EXOC4: variants seen among roughly 807,000 people sequenced by gnomAD.
The protein encoded by EXOC4 is SEC8-like 1.
EXOC4 carries 71 observed loss-of-function variants against 107.2 expected under a neutral mutation model. The observed-to-expected ratio is 0.66, with a 90% CI of 0.55 to 0.81. The LOEUF is 0.81. EXOC4 is among the 30% of genes least tolerant of loss of function. The pLI is 0.00. For synonymous variants in EXOC4, 456 were observed against 441.2 expected, an observed-to-expected ratio of 1.03 and a Z score of -0.42; for missense variants, 1,108 against 1,189.6, an observed-to-expected ratio of 0.93 and a Z score of 1.01.
In EXOC4 at chr7:134,051,516, C is replaced by T. The variant is rs375921998; in HGVS notation, c.2688-12775C>T. ...TGAAACCCTGTCTCTACTAAAAATACAAAAAATTAGCTGGGTGTGGTGGCA... is the reference window on the plus strand; with the variant it reads ...TGAAACCCTGTCTCTACTAAAAATATAAAAAATTAGCTGGGTGTGGTGGCA... On this transcript the variant is annotated intron_variant, in intron 17 of 17. Transcript: ENST00000253861. Among the ~76,000 whole-genome samples, 3 of 151,650 alleles carry T rather than the reference C, an allele frequency of 2.0e-5. No individual in the cohort carries two copies. In the East Asian group the frequency reaches 5.8e-4, roughly 29 times the overall value.
chr7:133,440,086 A>AC (rs1798071251), intron 7 of EXOC4, among the ~76,000 whole-genome samples: 1 of 152,084 alleles, frequency 6.6e-6, no homozygotes, highest in Non-Finnish European at 1.5e-5. Flanking sequence ...ACCCTCTCCC[A>AC]CCCCCACAGG....
At chr7:133,380,162 A>G (rs1796582198) in intron 7 of EXOC4, among the ~76,000 whole-genome samples, 1 of 151,906 alleles carries the variant, frequency 6.6e-6, no homozygotes, top group African/African-American at 2.4e-5. Context: ...TGGGTGCAGC[A>G]CACCAACATG....
At chr7:133,522,575 T>C (rs1163080523) in intron 9 of EXOC4, among the ~76,000 whole-genome samples, 1 of 152,136 alleles carries the variant, frequency 6.6e-6, no homozygotes, top group Non-Finnish European at 1.5e-5. Context: ...AAAAGTTTAA[T>C]ATTTTGGGCT....
rs545834472 is a variant in EXOC4, at chr7:133,564,644, C to G, written c.1418-65401C>G. Among the ~76,000 whole-genome samples, 3 of 152,236 alleles carry G rather than the reference C, an allele frequency of 2.0e-5. No individual in the cohort carries two copies. The South Asian group carries it at 6.2e-4, about 32-fold the overall frequency. On this transcript the variant is annotated intron_variant, in intron 9 of 17. Transcript: ENST00000253861. The stretch of plus-strand genomic sequence containing the variant: ...ACCTAAGTAAACCTCTTTTAGTGAT[C>G]AATTTTGAAGGTAAGGCCCAGTCAA...
At chr7:133,870,994 G>A (rs1798738990) in intron 11 of EXOC4, among the ~76,000 whole-genome samples, 1 of 152,206 alleles carries the variant, frequency 6.6e-6, no homozygotes, top group Non-Finnish European at 1.5e-5. Context: ...GCTCCAGGGA[G>A]CTAGTTGTCA....
At chr7:133,685,079 A>G (rs1018612508) in intron 10 of EXOC4, among the ~76,000 whole-genome samples, 10 of 152,182 alleles carry the variant, frequency 6.6e-5, no homozygotes, top group African/African-American at 1.9e-4. Context: ...AGTCTTCTAA[A>G]ACATGAGTTC....
At chr7:133,407,249 C>G (rs914350062) in intron 7 of EXOC4, among the ~76,000 whole-genome samples, 1 of 152,052 alleles carries the variant, frequency 6.6e-6, no homozygotes, top group African/African-American at 2.4e-5. Flanking sequence ...AATAAGAATC[C>G]CCCTACTCTT....
intron 6 of EXOC4, among the ~76,000 whole-genome samples, chr7:133,371,471 A>G (rs1429236555): frequency 6.6e-6 from 1 of 152,170 alleles, no homozygotes; most frequent in Non-Finnish European, 1.5e-5. Context: ...TGAATATTTT[A>G]TATAACTATA....
At chr7:133,839,202 A>T (rs1797976788) in intron 11 of EXOC4, among the ~76,000 whole-genome samples, 1 of 152,186 alleles carries the variant, frequency 6.6e-6, no homozygotes, top group Non-Finnish European at 1.5e-5. Flanking sequence ...CTTCTTTGGC[A>T]AACAGTCGTT....
intron 16 of EXOC4, among the ~76,000 whole-genome samples, chr7:134,005,819 A>G (rs998943910): frequency 8.5e-5 from 13 of 152,222 alleles, no homozygotes; most frequent in African/African-American, 2.2e-4. Context: ...AAGAAGGTAC[A>G]TTGTCCAAAG....
chr7:133,495,495 T>C (rs1360619315), intron 9 of EXOC4, among the ~76,000 whole-genome samples: 4 of 152,150 alleles, frequency 2.6e-5, no homozygotes, highest in African/African-American at 9.7e-5. Context: ...ACCCAGAAGA[T>C]TTCCTATGCT....
chr7:133,868,198 AT>A (rs1242450563), intron 11 of EXOC4, among the ~76,000 whole-genome samples: 2 of 152,166 alleles, frequency 1.3e-5, no homozygotes, highest in Non-Finnish European at 2.9e-5. Context: ...AACCATGAAG[AT>A]TTGGCTGGGC....
At chr7:134,083,998 G>A in the EXOC4 span, among the ~76,000 whole-genome samples, 9 of 152,134 alleles carry the variant, frequency 5.9e-5, no homozygotes, top group Admixed American at 5.9e-4. Context: ...TTTCTTTATA[G>A]GAAGTGAGGC....
At chr7:133,741,881 A>C (rs979897508) in intron 10 of EXOC4, among the ~76,000 whole-genome samples, 1 of 152,138 alleles carries the variant, frequency 6.6e-6, no homozygotes, top group Non-Finnish European at 1.5e-5. Flanking sequence ...CCATTTGCTG[A>C]TCTGGATTGG....
chr7:133,378,182 G>A (rs1186889780), intron 7 of EXOC4, among the ~76,000 whole-genome samples: 3 of 151,882 alleles, frequency 2.0e-5, no homozygotes, highest in African/African-American at 7.3e-5. Flanking sequence ...GTGGTGTCTG[G>A]CGCCTGTAAT....
At chr7:133,490,748 G>A (rs1046781085) in intron 9 of EXOC4, among the ~76,000 whole-genome samples, 4 of 152,150 alleles carry the variant, frequency 2.6e-5, no homozygotes, top group Non-Finnish European at 4.4e-5. Flanking sequence ...AACCAATGGT[G>A]TACTGGTGAT....
intron 14 of EXOC4, among the ~76,000 whole-genome samples, chr7:133,996,608 A>G (rs1370188508): frequency 6.6e-6 from 1 of 152,156 alleles, no homozygotes; most frequent in South Asian, 2.1e-4. Flanking sequence ...TTAGTTGGCC[A>G]TAAGCTATAT....
chr7:133,475,204 A>C (rs1798981886), intron 7 of EXOC4, 124 bp from the exon 8 acceptor site: 3 of 728,846 alleles, frequency 4.1e-6, no homozygotes, highest in Non-Finnish European at 6.4e-6. Context: ...AAAATGAATG[A>C]CCAGGTTAAT....
intron 13 of EXOC4, among the ~76,000 whole-genome samples, chr7:133,935,533 C>T (rs773487805): frequency 6.6e-6 from 1 of 152,114 alleles, no homozygotes; most frequent in African/African-American, 2.4e-5. Flanking sequence ...GGCTGTAAGA[C>T]GCTGTGGTTG....
Sources: allele counts gnomAD v4.1 joint callset (sites outside exome capture counted in the v4.1 genomes callset), GRCh38; gene constraint gnomAD v4.1.1; transcripts MANE v1.5; gene names NCBI Gene and HGNC (gene_info 2026-07-23, HGNC 2026-07-21).